The following RRP12 variants were observed in gnomAD, a reference collection of about 807,000 sequenced individuals.
RRP12 encodes ribosomal RNA processing 12 homolog.
In RRP12, 78 loss-of-function variants were observed where a neutral mutation model predicts 157.3. The ratio of observed to expected loss-of-function variants is 0.50; its 90% confidence interval spans 0.41 to 0.60. The LOEUF is 0.60. RRP12 is among the 20% of genes least tolerant of loss of function. The pLI, the probability that RRP12 is intolerant of heterozygous loss-of-function variation, is 0.00. For missense variants in RRP12, 1,521 were observed against 1,679.9 expected (o/e 0.91, Z 1.65); for synonymous variants, 726 against 670.9 (o/e 1.08, Z -1.27).
intron 25 of RRP12, among the ~76,000 whole-genome samples, chr10:97,368,532 A>G (rs977036019): frequency 2.9e-5 from 4 of 137,000 alleles, no homozygotes; most frequent in African/African-American, 1.1e-4. Flanking sequence ...TAATTTTTGT[A>G]TTTTTAGTAG....
intron 6 of RRP12, 76 bp from the exon 7 acceptor site, chr10:97,388,700 A>G (rs1212913386): frequency 5.1e-6 from 8 of 1,560,768 alleles, no homozygotes; most frequent in Middle Eastern, 3.7e-4. Context: ...CACAAGCACC[A>G]ACCAATTAGC....
chr10:97,371,247 G>A (rs963582631), intron 20 of RRP12, 166 bp from the exon 21 acceptor site: 1 of 710,986 alleles, frequency 1.4e-6, no homozygotes, highest in Non-Finnish European at 2.3e-6. Flanking sequence ...TAACTCCTGG[G>A]CGAGGCACAG....
rs1444855233 is a variant in RRP12 at position 97,356,755 on chromosome 10, C to T, written c.*339G>A. 7.9e-6 allele frequency: 2 copies of T among 253,902 alleles called. No homozygotes were observed. The highest frequency in any genetic ancestry group is 2.2e-5 in the African/African-American group (1 of 44,676). The allele number at this position is 253,902 out of a possible 1,614,324, so 15.7% of individuals were successfully genotyped here. A position where few individuals can be genotyped will look rare whatever the true frequency, so the allele number is the denominator to read the frequency against. On this transcript the variant is annotated 3_prime_UTR_variant, in exon 34 of 34. Coordinates refer to ENST00000370992, the MANE Select transcript of RRP12 (RefSeq NM_015179.4). ...TGGTCACAGTAAATCTCACCCAGACCACAGGCAGGATGCCACGTGGCTACA... is the reference window on the plus strand; with the variant it reads ...TGGTCACAGTAAATCTCACCCAGACTACAGGCAGGATGCCACGTGGCTACA...
At chr10:97,382,772 T>G (rs1288172393) in intron 10 of RRP12, among the ~76,000 whole-genome samples, 3 of 152,044 alleles carry the variant, frequency 2.0e-5, no homozygotes, top group Non-Finnish European at 4.4e-5. Flanking sequence ...CTATTTTTTT[T>G]TTTTTTTGAG....
At position 97,357,033 on chromosome 10, in the gene RRP12, G is replaced by T; in HGVS notation, c.*61C>A. 1 of 959,276 alleles carries T rather than the reference G, an allele frequency of 1.0e-6. No individual in the cohort carries two copies. The allele number at this position is 959,276 out of a possible 1,614,324, so 59.4% of individuals were successfully genotyped here. On this transcript the variant is annotated 3_prime_UTR_variant, in exon 34 of 34. Transcript: ENST00000370992. ...TTGAGCACCTGGAGCTGGTGGCAAG[G>T]CAGCCTGGGGGCTGAAAGGGCCTCA...
intron 4 of RRP12, chr10:97,393,298 A>T: frequency 2.3e-6 from 1 of 439,170 alleles, no homozygotes; most frequent in Non-Finnish European, 4.5e-6. Flanking sequence ...CTGAGCACAC[A>T]TGGAACCAGG....
intron 4 of RRP12, chr10:97,393,180 A>C: frequency 4.9e-6 from 2 of 405,200 alleles, no homozygotes; most frequent in Admixed American, 5.8e-5. Context: ...AGGCCAAAAA[A>C]GTTTCATTTT....
At position 97,395,542 on chromosome 10, in the gene RRP12, ACT is replaced by A. The variant is rs547576454; in HGVS notation, c.453+674_453+675del. Reference sequence around the variant, plus strand: ...AGTCCAACTTGGGCAACGGAGTGAGACTCTGTTTCAAAAAAAAAAAAAAGTAG... The same window carrying A: ...AGTCCAACTTGGGCAACGGAGTGAGACTGTTTCAAAAAAAAAAAAAAGTAG... On this transcript the variant is annotated intron_variant, in intron 3 of 33. Coordinates refer to ENST00000370992, the MANE Select transcript of RRP12 (RefSeq NM_015179.4). Among the ~76,000 whole-genome samples, 535 of 146,060 alleles carry A rather than the reference ACT, an allele frequency of 3.7e-3. 2 individuals carry two copies. Among genetic ancestry groups the A allele is most frequent in the Non-Finnish European group, 6.1e-3 (404 of 66,686 alleles).
rs201080319 is a variant in RRP12, at chr10:97,373,571, G to A, written c.2026+4C>T. 17 of 1,593,104 alleles carry A rather than the reference G, an allele frequency of 1.1e-5. No homozygotes were observed. The highest frequency in any genetic ancestry group is 2.1e-4 in the Middle Eastern group (1 of 4,832). ...CAGCCCCCACTCCCACAGCCCACAC[G>A]TACCTGCCTGGCAGCCCTTGGTGAT... On this transcript the variant is annotated splice_donor_region_variant and intron_variant, in intron 17 of 33. Coordinates refer to ENST00000370992, the MANE Select transcript of RRP12 (RefSeq NM_015179.4).
Position 97,356,869 on chromosome 10 carries a change from G to C in RRP12, c.*225C>G, listed in dbSNP as rs1041399203. On this transcript the variant is annotated 3_prime_UTR_variant, in exon 34 of 34. Coordinates refer to ENST00000370992, the MANE Select transcript of RRP12 (RefSeq NM_015179.4). ...AGGTGCCTCATGGCACCTACTCAGA[G>C]GCACTGAGGCCACATTCCCATCTCC... 8.4e-6 allele frequency: 4 copies of C among 478,286 alleles called. No individual in the cohort carries two copies. Among genetic ancestry groups the C allele is most frequent in the African/African-American group, 4.0e-5 (2 of 49,608 alleles). 29.6% of individuals were successfully genotyped at this position (478,286 alleles called of 1,614,324 possible).
chr10:97,357,039 T>G lies in RRP12; in HGVS notation c.*55A>C. ...ACCTGGAGCTGGTGGCAAGGCAGCC[T>G]GGGGGCTGAAAGGGCCTCAGACTGG... On this transcript the variant is annotated 3_prime_UTR_variant, in exon 34 of 34. Coordinates refer to ENST00000370992, the MANE Select transcript of RRP12 (RefSeq NM_015179.4). The G allele has an allele frequency of 9.7e-7, 1 of 1,034,622 alleles. No homozygotes were observed. Among genetic ancestry groups the G allele is most frequent in the Non-Finnish European group, 1.5e-6 (1 of 675,230 alleles). 64.1% of individuals were successfully genotyped at this position (1,034,622 alleles called of 1,614,324 possible).
chr10:97,367,261 T>C (rs1844016853), intron 25 of RRP12, 129 bp from the exon 26 acceptor site: 1 of 734,306 alleles, frequency 1.4e-6, no homozygotes, highest in South Asian at 1.7e-5. Context: ...GCCCTGCTCC[T>C]GGCCCACACC....
chr10:97,395,944 C>T (rs916177103), intron 3 of RRP12, among the ~76,000 whole-genome samples: 14 of 151,396 alleles, frequency 9.2e-5, no homozygotes, highest in African/African-American at 1.9e-4. Context: ...GATGACAAGA[C>T]GGTTTGAGCC....
chr10:97,401,097 C>T lies in RRP12; in HGVS notation c.135G>A (p.Pro45=), dbSNP rs758293781. 6.2e-7 allele frequency: 1 copy of T among 1,613,184 alleles called. No homozygotes were observed. Among genetic ancestry groups the T allele is most frequent in the Non-Finnish European group, 8.5e-7 (1 of 1,179,650 alleles). ...QAARSRFFSR[P]SGRSDLTVDA... ...CTCGGGTCTCAACCCAGCTACCTGA[C>T]GGCCGGCTGAAGAAGCGGCTGCGGG... is the stretch of plus-strand genomic sequence containing the variant. Residue 45 remains proline (P), a synonymous_variant, in exon 1 of 34, where the codon CCG becomes CCA. Transcript: ENST00000370992.
At chr10:97,358,901 G>C (rs1428659334) in intron 32 of RRP12, 42 bp downstream of exon 32, 1 of 1,534,670 alleles carries the variant, frequency 6.5e-7, no homozygotes. Context: ...CCTGGCACCT[G>C]TCCAGTGCCA....
At position 97,373,542 on chromosome 10, in the gene RRP12, TCCCCAGCCCCCACTC is replaced by T. The variant is rs757017951; in HGVS notation, c.2026+18_2026+32del. 6.4e-7 allele frequency: 1 copy of T among 1,555,794 alleles called. No homozygotes were observed. Among genetic ancestry groups the T allele is most frequent in the South Asian group, 1.2e-5 (1 of 84,074 alleles). On this transcript the variant is annotated intron_variant, in intron 17 of 33. Coordinates refer to ENST00000370992, the MANE Select transcript of RRP12 (RefSeq NM_015179.4). ...ATGGGGCCAGGGACCTGTGTCATCC[TCCCCAGCCCCCACTC>T]CCACAGCCCACACGTACCTGCCTGG...
chr10:97,363,974 C>CA (rs1426396582), intron 29 of RRP12, 71 bp from the exon 30 acceptor site: 11 of 1,430,284 alleles, frequency 7.7e-6, no homozygotes, highest in Non-Finnish European at 1.1e-5. Flanking sequence ...CTTCTGCCCC[C>CA]TCCTGGCTCA....
chr10:97,394,170 G>A (rs903783713), intron 3 of RRP12, among the ~76,000 whole-genome samples: 27 of 152,086 alleles, frequency 1.8e-4, no homozygotes, highest in African/African-American at 5.8e-4. Flanking sequence ...GTGAAACACC[G>A]TCTCTACTAA....
intron 2 of RRP12, among the ~76,000 whole-genome samples, chr10:97,398,023 G>GTATATATA (rs200241210): frequency 1.7e-5 from 1 of 57,332 alleles, no homozygotes; most frequent in Non-Finnish European, 2.9e-5. Context: ...ATATATATAT[G>GTATATATA]TATATATATA....
Sources: gnomAD v4.1 joint callset for allele counts (sites outside exome capture counted in the v4.1 genomes callset) on GRCh38, gnomAD v4.1.1 for gene constraint, MANE v1.5 for transcripts, NCBI Gene and HGNC (gene_info 2026-07-23, HGNC 2026-07-21) for gene names.